The following CATSPERT variants were observed in gnomAD, a reference collection of about 807,000 sequenced individuals.
CATSPERT encodes the protein catsper channel auxiliary subunit tau.
the CATSPERT span, among the ~76,000 whole-genome samples, chr2:201,542,873 T>C: frequency 6.6e-6 from 1 of 152,156 alleles, no homozygotes; most frequent in Non-Finnish European, 1.5e-5. Flanking sequence ...CCACTGTCTG[T>C]TTTTGTTTTT....
chr2:201,547,627 G>C, the CATSPERT span: 2 of 1,369,686 alleles, frequency 1.5e-6, no homozygotes, highest in Admixed American at 2.4e-5. Flanking sequence ...AAAGAAATAA[G>C]TTATGAATGA....
chr2:201,595,846 A>C, the CATSPERT span, among the ~76,000 whole-genome samples: 3 of 150,952 alleles, frequency 2.0e-5, no homozygotes, highest in Non-Finnish European at 4.4e-5. Flanking sequence ...AGAGAAATGC[A>C]GATCAAAACC....
chr2:201,524,077 T>C, the CATSPERT span, among the ~76,000 whole-genome samples: 92,919 of 152,068 alleles, frequency 0.61, 30,245 homozygotes, highest in East Asian at 0.95. Context: ...TTTCAGGATA[T>C]TGTCCACAAA....
the CATSPERT span, among the ~76,000 whole-genome samples, chr2:201,559,778 T>C: frequency 2.0e-5 from 3 of 152,312 alleles, no homozygotes; most frequent in African/African-American, 7.2e-5. Context: ...ACAATATTCA[T>C]ACAAATATTT....
At chr2:201,533,710 T>G in the CATSPERT span, among the ~76,000 whole-genome samples, 1 of 152,198 alleles carries the variant, frequency 6.6e-6, no homozygotes, top group Non-Finnish European at 1.5e-5. Context: ...ATGATTTACT[T>G]GGAACTTAGT....
chr2:201,616,529 A>C, the CATSPERT span, among the ~76,000 whole-genome samples: 48 of 152,378 alleles, frequency 3.2e-4, no homozygotes, highest in African/African-American at 1.1e-3. Flanking sequence ...AAAAACTCTC[A>C]ATAAACTACG....
chr2:201,581,454 A>G, the CATSPERT span, among the ~76,000 whole-genome samples: 1 of 104,374 alleles, frequency 9.6e-6, no homozygotes, highest in African/African-American at 3.6e-5. Flanking sequence ...ATATATATAT[A>G]TGTATACACA....
the CATSPERT span, among the ~76,000 whole-genome samples, chr2:201,495,468 T>C: frequency 6.6e-6 from 1 of 152,160 alleles, no homozygotes; most frequent in African/African-American, 2.4e-5. Context: ...CTTCTAATCA[T>C]TGAAACAGCC....
the CATSPERT span, chr2:201,493,054 T>C: frequency 6.5e-7 from 1 of 1,536,200 alleles, no homozygotes. Context: ...AATTAGTCTT[T>C]CTAATTCTTT....
At chr2:201,619,037 T>C in the CATSPERT span, 5 of 1,614,168 alleles carry the variant, frequency 3.1e-6, no homozygotes, top group South Asian at 1.1e-5. Context: ...TAGGGATTCC[T>C]CTGCAATAGC....
At chr2:201,491,769 C>A in the CATSPERT span, 1 of 1,537,126 alleles carries the variant, frequency 6.5e-7, no homozygotes, top group South Asian at 1.2e-5. Context: ...CAAGGGACTT[C>A]ATTTTCAGTG....
At chr2:201,519,813 A>C in the CATSPERT span, among the ~76,000 whole-genome samples, 1 of 152,206 alleles carries the variant, frequency 6.6e-6, no homozygotes, top group African/African-American at 2.4e-5. Context: ...CAGACAAAAA[A>C]CGTCTTCACC....
chr2:201,575,769 T>C, the CATSPERT span, among the ~76,000 whole-genome samples: 35 of 152,320 alleles, frequency 2.3e-4, no homozygotes, highest in African/African-American at 7.7e-4. Context: ...AATTATTTCA[T>C]TATATATTAC....
At chr2:201,494,382 T>C in the CATSPERT span, 2 of 1,537,146 alleles carry the variant, frequency 1.3e-6, no homozygotes, top group African/African-American at 1.4e-5. Flanking sequence ...AGAGGTGACA[T>C]GTGTTTGCCT....
chr2:201,511,228 AAAAT>A, the CATSPERT span, among the ~76,000 whole-genome samples: 2 of 152,212 alleles, frequency 1.3e-5, no homozygotes, highest in African/African-American at 4.8e-5. Context: ...TGGCAGTATC[AAAAT>A]AAATACGCTT....
chr2:201,536,199 T>G, the CATSPERT span: 1 of 1,613,054 alleles, frequency 6.2e-7, no homozygotes, highest in South Asian at 1.1e-5. Flanking sequence ...GCACAATGAG[T>G]GCACTTCTGT....
At chr2:201,564,440 A>AC in the CATSPERT span, among the ~76,000 whole-genome samples, 3 of 152,078 alleles carry the variant, frequency 2.0e-5, no homozygotes, top group East Asian at 3.9e-4. Flanking sequence ...AGAGAAAAAA[A>AC]CCAATAATTT....
the CATSPERT span, among the ~76,000 whole-genome samples, chr2:201,597,322 A>G: frequency 6.6e-6 from 1 of 152,138 alleles, no homozygotes; most frequent in African/African-American, 2.4e-5. Flanking sequence ...TGTTCTCTGT[A>G]GTTTCTCCTG....
At chr2:201,614,362 T>C in the CATSPERT span, among the ~76,000 whole-genome samples, 2 of 152,204 alleles carry the variant, frequency 1.3e-5, no homozygotes, top group African/African-American at 2.4e-5. Context: ...GCAGATCTCT[T>C]GGCAGAAACT....
Sources: allele counts gnomAD v4.1 joint callset (sites outside exome capture counted in the v4.1 genomes callset), GRCh38; gene constraint gnomAD v4.1.1; transcripts MANE v1.5; gene names NCBI Gene and HGNC (gene_info 2026-07-23, HGNC 2026-07-21).